The following NEDD4 variants were observed in gnomAD, a reference collection of about 807,000 sequenced individuals.
The protein encoded by NEDD4 is E3 ubiquitin-protein ligase NEDD4.
Under a neutral mutation model 144.9 loss-of-function variants are expected in NEDD4, and 99 were observed. The observed-to-expected ratio is 0.68, with a 90% confidence interval of 0.58 to 0.81. The LOEUF is 0.81. NEDD4 is among the 30% of genes least tolerant of loss of function. The pLI, the probability that NEDD4 is intolerant of heterozygous loss-of-function variation, is 0.00. For synonymous variants in NEDD4, 318 were observed against 350.6 expected (o/e 0.91, Z 1.04); for missense variants, 985 against 1,065.9 (o/e 0.92, Z 1.06).
In NEDD4 at chr15:55,859,521, C is replaced by T. The variant is rs192391618; in HGVS notation, c.960+886G>A. ...CTAGCCTGGCCAACAGGGTGAAACT[C>T]CTCCATCTCTACTAAAAATACAAAA... is the stretch of plus-strand genomic sequence containing the variant. On this transcript the variant is annotated intron_variant, in intron 11 of 28. Coordinates refer to ENST00000435532, the MANE Select transcript of NEDD4 (RefSeq NM_006154.4). Among the ~76,000 whole-genome samples the T allele has an allele frequency of 1.2e-3, 184 of 152,160 alleles. 1 individual carries two copies. Among genetic ancestry groups the T allele is most frequent in the African/African-American group, 4.3e-3 (179 of 41,526 alleles).
At chr15:55,889,698 T>A (rs2142116272) in intron 5 of NEDD4, among the ~76,000 whole-genome samples, 1 of 151,542 alleles carries the variant, frequency 6.6e-6, no homozygotes, top group Non-Finnish European at 1.5e-5. Context: ...TGTTTTGTTT[T>A]GTTTTGTTTT....
chr15:55,828,120 G>A lies in NEDD4; in HGVS notation c.*1777C>T, dbSNP rs1182750501. 2 of 152,138 alleles carry A rather than the reference G, an allele frequency of 1.3e-5. No homozygotes were observed. The highest frequency in any genetic ancestry group is 2.9e-5 in the Non-Finnish European group (2 of 68,034). 9.4% of individuals were successfully genotyped at this position (152,138 alleles called of 1,614,324 possible). On this transcript the variant is annotated 3_prime_UTR_variant, in exon 29 of 29. Coordinates refer to ENST00000435532, the MANE Select transcript of NEDD4 (RefSeq NM_006154.4). ...CAAAACGCAGGGTACATTAATCTGT[G>A]AATTGCTTCCCCTAAACCATGCTGA...
At chr15:55,958,438 T>TA (rs1269374957) in intron 2 of NEDD4, among the ~76,000 whole-genome samples, 1 of 152,188 alleles carries the variant, frequency 6.6e-6, no homozygotes, top group Non-Finnish European at 1.5e-5. Context: ...TGTTGACAGA[T>TA]ATTGGTTTTA....
At chr15:55,932,326 G>A (rs1311307255) in intron 4 of NEDD4, among the ~76,000 whole-genome samples, 1 of 152,156 alleles carries the variant, frequency 6.6e-6, no homozygotes, top group African/African-American at 2.4e-5. Context: ...CAGAGATATA[G>A]ACCAATGGAA....
At position 55,882,066 on chromosome 15, in the gene NEDD4, C is replaced by T. The variant is rs530565284; in HGVS notation, c.292-8058G>A. ...AATGTTCCAACAAACGTGCAGAAGT[C>T]TCTTCCTAATTTTGGTTTTTAAAAG... On this transcript the variant is annotated intron_variant, in intron 5 of 28. Coordinates refer to ENST00000435532, the MANE Select transcript of NEDD4 (RefSeq NM_006154.4). Among the ~76,000 whole-genome samples, 8 of 152,180 alleles carry T rather than the reference C, an allele frequency of 5.3e-5. No homozygotes were observed. In the South Asian group the frequency reaches 1.7e-3, roughly 32 times the overall value.
rs1234092657 is a variant in NEDD4, at chr15:55,844,218, T to C, written c.1609-2055A>G. ...AGGAAGGGAAAGAAGGCAGGGATTA[T>C]AGGGGAAAAATGCAAAAAAGTAGTC... is the stretch of plus-strand genomic sequence containing the variant. On this transcript the variant is annotated intron_variant, in intron 18 of 28. Coordinates refer to ENST00000435532, the MANE Select transcript of NEDD4 (RefSeq NM_006154.4). Among the ~76,000 whole-genome samples, 3 of 152,010 alleles carry C rather than the reference T, an allele frequency of 2.0e-5. No individual in the cohort carries two copies. The East Asian group carries it at 5.8e-4, about 29-fold the overall frequency.
At position 55,868,211 on chromosome 15, in the gene NEDD4, G is replaced by A. The variant is rs544430920; in HGVS notation, c.507+1368C>T. Among the ~76,000 whole-genome samples the A allele has an allele frequency of 1.6e-3, 251 of 152,264 alleles. 1 individual carries two copies. Among genetic ancestry groups the A allele is most frequent in the Non-Finnish European group, 9.1e-4 (62 of 68,020 alleles). ...TTCTCAAGGTACATGGGCATGTGAG[G>A]TAGAGCCTAGCCCCTGGGGAAGGCC... On this transcript the variant is annotated intron_variant, in intron 8 of 28. Coordinates refer to ENST00000435532, the MANE Select transcript of NEDD4 (RefSeq NM_006154.4).
intron 5 of NEDD4, among the ~76,000 whole-genome samples, chr15:55,920,716 G>C (rs2036552850): frequency 6.6e-6 from 1 of 152,132 alleles, no homozygotes; most frequent in South Asian, 2.1e-4. Flanking sequence ...AAATTTAGTT[G>C]TGAGTGCCTC....
At chr15:55,993,283 G>A (rs1284283363) in intron 1 of NEDD4, among the ~76,000 whole-genome samples, 2 of 152,164 alleles carry the variant, frequency 1.3e-5, no homozygotes, top group African/African-American at 2.4e-5. Flanking sequence ...CTCCGGGAAG[G>A]GGCGGGTGTG....
At position 55,828,782 on chromosome 15, in the gene NEDD4, G is replaced by A. The variant is rs1196938320; in HGVS notation, c.*1115C>T. 6.6e-6 allele frequency: 1 copy of A among 152,604 alleles called. No homozygotes were observed. Among genetic ancestry groups the A allele is most frequent in the African/African-American group, 2.4e-5 (1 of 41,442 alleles). 9.5% of individuals were successfully genotyped at this position (152,604 alleles called of 1,614,324 possible). On this transcript the variant is annotated 3_prime_UTR_variant, in exon 29 of 29. Transcript: ENST00000435532. ...AAAAACATTGTCTTCATAGTAAACA[G>A]TATTTTAAAAGGCATAAGAAATAGT...
chr15:55,938,979 C>A (rs561964220), intron 4 of NEDD4, among the ~76,000 whole-genome samples: 2 of 151,984 alleles, frequency 1.3e-5, no homozygotes, highest in African/African-American at 2.4e-5. Context: ...TGATGGTGTG[C>A]ACCTGTGTTT....
At chr15:55,969,123 T>C (rs543554540) in intron 1 of NEDD4, among the ~76,000 whole-genome samples, 31 of 152,256 alleles carry the variant, frequency 2.0e-4, no homozygotes, top group South Asian at 4.1e-4. Flanking sequence ...TCTATGCCTT[T>C]GCGGGACGAA....
intron 2 of NEDD4, among the ~76,000 whole-genome samples, chr15:55,963,143 T>A (rs1440619795): frequency 9.9e-5 from 15 of 151,218 alleles, no homozygotes; most frequent in Non-Finnish European, 1.9e-4. Flanking sequence ...TTATTTTTTT[T>A]TTTTTTGAGA....
intron 4 of NEDD4, among the ~76,000 whole-genome samples, chr15:55,931,404 T>G (rs961444321): frequency 6.6e-6 from 1 of 152,222 alleles, no homozygotes; most frequent in South Asian, 2.1e-4. Context: ...ATTTTAAAAC[T>G]ATGTGCAAAT....
At chr15:55,841,765 G>C (rs941820089) in intron 19 of NEDD4, among the ~76,000 whole-genome samples, 169 bp downstream of exon 19, 14 of 152,106 alleles carry the variant, frequency 9.2e-5, no homozygotes, top group Admixed American at 1.3e-4. Context: ...TAGAGACGGG[G>C]TTTCACCGTG....
chr15:55,990,247 G>T (rs1242179259), intron 1 of NEDD4, among the ~76,000 whole-genome samples: 2 of 151,996 alleles, frequency 1.3e-5, no homozygotes, highest in African/African-American at 4.8e-5. Context: ...TGAAACCACT[G>T]GACCGCATCC....
chr15:55,970,824 A>C (rs778338597), intron 1 of NEDD4, among the ~76,000 whole-genome samples: 8 of 152,230 alleles, frequency 5.3e-5, no homozygotes, highest in Non-Finnish European at 1.2e-4. Flanking sequence ...GATGGGTACA[A>C]ACCAGCCCAG....
At chr15:55,907,830 C>T (rs893277922) in intron 5 of NEDD4, among the ~76,000 whole-genome samples, 1 of 152,182 alleles carries the variant, frequency 6.6e-6, no homozygotes, top group Non-Finnish European at 1.5e-5. Flanking sequence ...AGATCTTTGT[C>T]CATTCAATCT....
Position 55,951,497 on chromosome 15 carries a change from T to C in NEDD4, c.198+14A>G. ...AAAGTACATTAAAAACTTTTGAATA[T>C]TGCTAAGTCTAACCTTTTTAATGGT... is the stretch of plus-strand genomic sequence containing the variant. On this transcript the variant is annotated intron_variant, in intron 3 of 28. Transcript: ENST00000435532. The C allele has an allele frequency of 2.0e-6, 3 of 1,507,484 alleles. No homozygotes were observed. The highest frequency in any genetic ancestry group is 1.8e-6 in the Non-Finnish European group (2 of 1,129,046). 93.4% of individuals were successfully genotyped at this position (1,507,484 alleles called of 1,614,324 possible).
Sources: allele counts gnomAD v4.1 joint callset (sites outside exome capture counted in the v4.1 genomes callset), GRCh38; gene constraint gnomAD v4.1.1; transcripts MANE v1.5; gene names NCBI Gene and HGNC (gene_info 2026-07-23, HGNC 2026-07-21).